Variants in INVS observed in about 807,000 individuals in gnomAD.
INVS encodes the protein inversin, also known as inversion of embryo turning homolog.
Under a neutral mutation model 108.8 loss-of-function variants are expected in INVS, and 86 were observed. The observed-to-expected ratio is 0.79, with a 90% CI of 0.66 to 0.95. The LOEUF (loss-of-function observed/expected upper bound fraction) is 0.95. Among genes scored for constraint, INVS ranks in the 40% least tolerant of loss-of-function variants. The pLI is 0.00. For synonymous variants in INVS, 455 were observed against 473.5 expected (o/e 0.96, Z 0.51); for missense variants, 1,169 against 1,297.4 (o/e 0.90, Z 1.52).
At chr9:100,184,433 GT>G (rs1829995756) in intron 3 of INVS, among the ~76,000 whole-genome samples, 1 of 152,156 alleles carries the variant, frequency 6.6e-6, no homozygotes. Flanking sequence ...AAAAGCATTA[GT>G]TCCTGTGAAT....
At chr9:100,212,245 T>C (rs138499098) in intron 3 of INVS, among the ~76,000 whole-genome samples, 2 of 152,252 alleles carry the variant, frequency 1.3e-5, no homozygotes, top group Non-Finnish European at 2.9e-5. Context: ...CTACATTTTA[T>C]ATGGCACTGG....
intron 3 of INVS, among the ~76,000 whole-genome samples, chr9:100,134,219 C>T (rs1828150647): frequency 2.0e-5 from 3 of 152,162 alleles, no homozygotes; most frequent in Non-Finnish European, 4.4e-5. Flanking sequence ...AGTTACTTTA[C>T]TTAGAATAAT....
intron 12 of INVS, among the ~76,000 whole-genome samples, chr9:100,281,429 T>G (rs1040363852): frequency 2.0e-5 from 3 of 152,234 alleles, no homozygotes; most frequent in Admixed American, 6.5e-5. Context: ...TTGTTGTTAT[T>G]GCTGCTGCTG....
chr9:100,118,400 G>A (rs1275691295), intron 2 of INVS, among the ~76,000 whole-genome samples: 1 of 151,218 alleles, frequency 6.6e-6, no homozygotes, highest in Non-Finnish European at 1.5e-5. Context: ...GTAGAAACGG[G>A]GTTTCACCAT....
At chr9:100,206,705 T>A (rs1830686158) in intron 3 of INVS, among the ~76,000 whole-genome samples, 1 of 152,098 alleles carries the variant, frequency 6.6e-6, no homozygotes, top group Admixed American at 6.6e-5. Context: ...TTACTTAGAT[T>A]TTGCCCATTG....
intron 3 of INVS, among the ~76,000 whole-genome samples, chr9:100,158,907 G>T (rs1002622085): frequency 6.6e-6 from 1 of 152,064 alleles, no homozygotes; most frequent in African/African-American, 2.4e-5. Context: ...GTTTAGAAGA[G>T]CCTGGCATCC....
chr9:100,195,627 A>G (rs544999694), intron 3 of INVS, among the ~76,000 whole-genome samples: 8 of 152,214 alleles, frequency 5.3e-5, no homozygotes, highest in Non-Finnish European at 1.2e-4. Flanking sequence ...AGTTGGGACT[A>G]CAGCTCCGCA....
At chr9:100,163,997 T>G (rs1829275728) in intron 3 of INVS, among the ~76,000 whole-genome samples, 3 of 152,334 alleles carry the variant, frequency 2.0e-5, no homozygotes, top group Admixed American at 2.0e-4. Flanking sequence ...GGATGGACTG[T>G]CAAAGGATGA....
At chr9:100,289,926 G>A (rs911810117) in intron 13 of INVS, among the ~76,000 whole-genome samples, 7 of 152,168 alleles carry the variant, frequency 4.6e-5, no homozygotes, top group African/African-American at 1.7e-4. Flanking sequence ...GTTTAGTTTT[G>A]TAAGAAACTG....
At position 100,100,992 on chromosome 9, in the gene INVS, G is replaced by GTA. The variant is rs1437656110; in HGVS notation, c.-25+1583_-25+1584dup. ...TATATATTATATATATAATATATAT[G>GTA]TATATATAATATATATATTATATGT... On this transcript the variant is annotated intron_variant, in intron 1 of 16. Transcript: ENST00000262457. 8.8e-5 allele frequency among the ~76,000 whole-genome samples: 6 copies of GTA among 68,474 alleles called. 2 individuals carry two copies. The highest frequency in any genetic ancestry group is 3.9e-4 in the African/African-American group (5 of 12,962). The allele number at this position is 68,474 out of a possible 152,430, so 44.9% of individuals were successfully genotyped here.
intron 3 of INVS, among the ~76,000 whole-genome samples, chr9:100,205,611 G>T (rs144277007): frequency 4.5e-4 from 69 of 151,874 alleles, no homozygotes; most frequent in African/African-American, 1.5e-3. Flanking sequence ...TTTAGCTGTT[G>T]TCTTAACTTT....
At chr9:100,122,629 G>A (rs867333424) in intron 2 of INVS, among the ~76,000 whole-genome samples, 20 of 129,632 alleles carry the variant, frequency 1.5e-4, no homozygotes, top group Admixed American at 5.2e-4. Flanking sequence ...TGTTGCCCAG[G>A]CTGGAGTGCA....
chr9:100,267,367 T>C (rs919051802), intron 11 of INVS, among the ~76,000 whole-genome samples: 4 of 152,226 alleles, frequency 2.6e-5, no homozygotes, highest in African/African-American at 9.6e-5. Context: ...TCATCAGCAA[T>C]GTACCTTGAT....
chr9:100,106,453 G>A (rs2118827672), intron 2 of INVS, among the ~76,000 whole-genome samples: 1 of 152,008 alleles, frequency 6.6e-6, no homozygotes, highest in Non-Finnish European at 1.5e-5. Flanking sequence ...TCTCCCTTTA[G>A]GTATTGCCAT....
At chr9:100,104,371 AT>A in intron 1 of INVS, 126 bp from the exon 2 acceptor site, 1 of 691,406 alleles carries the variant, frequency 1.4e-6, no homozygotes, top group Non-Finnish European at 2.6e-6. Context: ...AGCCAGGACT[AT>A]AGATTTTTCT....
intron 5 of INVS, among the ~76,000 whole-genome samples, chr9:100,234,375 T>G (rs1020784680): frequency 4.6e-5 from 7 of 152,196 alleles, no homozygotes; most frequent in African/African-American, 1.4e-4. Context: ...TCAGTACTGC[T>G]CTGATCTTAG....
chr9:100,259,327 T>C (rs1233469445), intron 10 of INVS, among the ~76,000 whole-genome samples: 1 of 152,106 alleles, frequency 6.6e-6, no homozygotes, highest in Non-Finnish European at 1.5e-5. Context: ...TGTCACGGCT[T>C]TCCTTGGCTA....
At chr9:100,122,302 T>G (rs1827747761) in intron 2 of INVS, among the ~76,000 whole-genome samples, 1 of 152,184 alleles carries the variant, frequency 6.6e-6, no homozygotes, top group Non-Finnish European at 1.5e-5. Flanking sequence ...TGTTTTCAAG[T>G]GTTTCTTTCT....
chr9:100,293,568 GAT>G (rs1437069296), intron 14 of INVS, among the ~76,000 whole-genome samples: 1 of 152,158 alleles, frequency 6.6e-6, no homozygotes, highest in East Asian at 1.9e-4. Context: ...CCAGGGTCTG[GAT>G]ATAACAGATT....
Sources: allele counts gnomAD v4.1 joint callset (sites outside exome capture counted in the v4.1 genomes callset), GRCh38; gene constraint gnomAD v4.1.1; transcripts MANE v1.5; gene names NCBI Gene and HGNC (gene_info 2026-07-23, HGNC 2026-07-21).